TTLL5: variants seen among roughly 807,000 people sequenced by gnomAD.
TTLL5 encodes the protein tubulin tyrosine ligase like 5, also known as tubulin polyglutamylase TTLL5.
TTLL5 carries 132 observed loss-of-function variants against 168.4 expected under a neutral mutation model. The observed-to-expected ratio is 0.78, with a 90% CI of 0.68 to 0.91. The LOEUF is 0.91. Ranked by LOEUF, TTLL5 falls within the 40% of genes least tolerant of loss-of-function variation. The pLI is 0.00. For synonymous variants in TTLL5, 546 were observed against 558.6 expected (o/e 0.98, Z 0.32); for missense variants, 1,545 against 1,581.5 (o/e 0.98, Z 0.39).
intron 6 of TTLL5, among the ~76,000 whole-genome samples, chr14:75,691,637 A>G (rs1414693735): frequency 1.3e-5 from 2 of 152,170 alleles, no homozygotes; most frequent in African/African-American, 4.8e-5. Context: ...GCATGCAATG[A>G]CCATTCCCCA....
At chr14:75,877,230 C>T (rs956483216) in intron 29 of TTLL5, among the ~76,000 whole-genome samples, 4 of 152,146 alleles carry the variant, frequency 2.6e-5, no homozygotes, top group Admixed American at 2.0e-4. Flanking sequence ...GCTCCATCAC[C>T]AGGAAGCCTG....
intron 31 of TTLL5, among the ~76,000 whole-genome samples, chr14:75,919,632 T>C (rs1230156992): frequency 2.0e-5 from 3 of 151,994 alleles, no homozygotes; most frequent in Non-Finnish European, 4.4e-5. Context: ...TAACCAAAAA[T>C]TGATAAAATA....
intron 18 of TTLL5, chr14:75,757,921 C>G: frequency 6.6e-7 from 1 of 1,515,402 alleles, no homozygotes; most frequent in Admixed American, 1.8e-5. Context: ...TAATGTGTGA[C>G]CATGCACAGA....
At chr14:75,735,428 G>C (rs1278554422) in intron 15 of TTLL5, 139 bp downstream of exon 15, 1 of 736,706 alleles carries the variant, frequency 1.4e-6, no homozygotes, top group African/African-American at 1.7e-5. Flanking sequence ...ACAGGAGGCA[G>C]TTATATTCAG....
chr14:75,760,135 A>AC (rs1462943664), intron 18 of TTLL5, among the ~76,000 whole-genome samples: 2 of 152,120 alleles, frequency 1.3e-5, no homozygotes, highest in Non-Finnish European at 2.9e-5. Context: ...ACAGAAGTGA[A>AC]CTTAGCAAGG....
At chr14:75,798,026 A>C (rs896874982) in intron 27 of TTLL5, among the ~76,000 whole-genome samples, 1 of 151,778 alleles carries the variant, frequency 6.6e-6, no homozygotes, top group Non-Finnish European at 1.5e-5. Context: ...GATTCGTCTA[A>C]TTCTTCTTGA....
chr14:75,928,934 G>A (rs74725210), intron 31 of TTLL5, among the ~76,000 whole-genome samples: 5,423 of 152,092 alleles, frequency 0.036, 258 homozygotes, highest in African/African-American at 0.11. Context: ...AATTATCCTC[G>A]GCATAAATCC....
At chr14:75,733,501 GA>G (rs1013572653) in intron 13 of TTLL5, among the ~76,000 whole-genome samples, 13 of 151,862 alleles carry the variant, frequency 8.6e-5, no homozygotes, top group Non-Finnish European at 1.5e-5. Context: ...GCAAGCCTAA[GA>G]AATTTGTTTT....
chr14:75,706,976 CTG>C, intron 7 of TTLL5, 40 bp from the exon 8 acceptor site: 1 of 1,483,434 alleles, frequency 6.7e-7, no homozygotes, highest in Non-Finnish European at 9.4e-7. Context: ...ATTAGGATTC[CTG>C]TGTATTTCTA....
At chr14:75,812,435 C>T (rs1894103249) in intron 27 of TTLL5, among the ~76,000 whole-genome samples, 1 of 151,830 alleles carries the variant, frequency 6.6e-6, no homozygotes, top group African/African-American at 2.4e-5. Flanking sequence ...TTTGTTTTTT[C>T]GTTGTTACCA....
chr14:75,837,891 A>G (rs879604711), intron 28 of TTLL5, among the ~76,000 whole-genome samples: 5 of 151,964 alleles, frequency 3.3e-5, no homozygotes, highest in East Asian at 1.9e-4. Context: ...ATACACACCC[A>G]TACACACACA....
At chr14:75,720,517 T>C in intron 11 of TTLL5, 79 bp from the exon 12 acceptor site, 1 of 1,074,578 alleles carries the variant, frequency 9.3e-7, no homozygotes, top group Middle Eastern at 2.1e-4. Context: ...GCTTTTATAG[T>C]TATATTGTTA....
intron 29 of TTLL5, among the ~76,000 whole-genome samples, chr14:75,866,285 A>C (rs2030511031): frequency 6.6e-6 from 1 of 152,190 alleles, no homozygotes; most frequent in Non-Finnish European, 1.5e-5. Context: ...CATGGTTTAC[A>C]TTCTCAGTAT....
chr14:75,855,150 G>GAAAAAA (rs55874311), intron 28 of TTLL5, among the ~76,000 whole-genome samples: 861 of 128,820 alleles, frequency 6.7e-3, no homozygotes, highest in Non-Finnish European at 8.7e-3. Flanking sequence ...TATGCTAGAA[G>GAAAAAA]AAAAAAAAAA....
intron 31 of TTLL5, among the ~76,000 whole-genome samples, chr14:75,919,197 C>CAAAAAAAA (rs10655974): frequency 5.3e-5 from 3 of 56,096 alleles, no homozygotes; most frequent in East Asian, 6.5e-4. Context: ...AAGACCGTCT[C>CAAAAAAAA]AAAAAAAAAA....
At chr14:75,745,627 G>T (rs1450320909) in intron 17 of TTLL5, 46 bp downstream of exon 17, 3 of 1,506,062 alleles carry the variant, frequency 2.0e-6, no homozygotes, top group South Asian at 1.2e-5. Context: ...GAGGTCCATA[G>T]AATTAGATTA....
At chr14:75,887,392 G>A in intron 30 of TTLL5, 1 of 916,442 alleles carries the variant, frequency 1.1e-6, no homozygotes, top group Non-Finnish European at 1.3e-6. Context: ...AAGTTCTTGA[G>A]GTGAGCATAG....
intron 20 of TTLL5, among the ~76,000 whole-genome samples, chr14:75,768,097 T>C (rs527620949): frequency 6.6e-6 from 1 of 152,152 alleles, no homozygotes; most frequent in Non-Finnish European, 1.5e-5. Context: ...AGTTGGTAGG[T>C]AAAGTCTTGC....
At chr14:75,808,678 A>G (rs1246691512) in intron 27 of TTLL5, among the ~76,000 whole-genome samples, 7 of 152,122 alleles carry the variant, frequency 4.6e-5, no homozygotes, top group African/African-American at 7.2e-5. Context: ...TTGCTCTAGC[A>G]AAACAGGTGA....
Sources: allele counts gnomAD v4.1 joint callset (sites outside exome capture counted in the v4.1 genomes callset), GRCh38; gene constraint gnomAD v4.1.1; transcripts MANE v1.5; gene names NCBI Gene and HGNC (gene_info 2026-07-23, HGNC 2026-07-21).